The following LIMCH1 variants were observed in gnomAD, a reference collection of about 807,000 sequenced individuals.
LIMCH1 encodes LIM and calponin homology domains-containing protein 1.
In LIMCH1, 113 loss-of-function variants were observed where a neutral mutation model predicts 176.5. The observed-to-expected ratio is 0.64, with a 90% CI of 0.55 to 0.75. LIMCH1 has a LOEUF of 0.75. LIMCH1 is among the 30% of genes least tolerant of loss of function. The pLI is 0.00. For synonymous variants in LIMCH1, 619 were observed against 645.9 expected, an observed-to-expected ratio of 0.96 and a Z score of 0.63; for missense variants, 1,674 against 1,814.9, an observed-to-expected ratio of 0.92 and a Z score of 1.41.
chr4:41,609,791 T>G, intron 4 of LIMCH1: 1 of 375,134 alleles, frequency 2.7e-6, no homozygotes, highest in Non-Finnish European at 5.3e-6. Context: ...CAATGTTAAT[T>G]AGAGCCCAAG....
In LIMCH1 at chr4:41,600,465, T is replaced by G. The variant is rs570252779; in HGVS notation, c.-134+1439T>G. On this transcript the variant is annotated intron_variant, in intron 2 of 31. Coordinates refer to ENST00000503057, the MANE Select transcript of LIMCH1 (RefSeq NM_001330672.2). ...CATTGCTTGGAGGGTGAAGGAAAGG[T>G]CACTTTGAAAGTGTCTGCAGCTGCA... Among the ~76,000 whole-genome samples, 4 of 152,286 alleles carry G rather than the reference T, an allele frequency of 2.6e-5. No individual in the cohort carries two copies. In the South Asian group the frequency reaches 8.3e-4, roughly 32 times the overall value.
At chr4:41,518,347 G>T (rs1162415393) in intron 2 of LIMCH1, among the ~76,000 whole-genome samples, 3 of 152,186 alleles carry the variant, frequency 2.0e-5, no homozygotes, top group African/African-American at 7.2e-5. Flanking sequence ...GTCTGAAACA[G>T]AACCTCTCTC....
chr4:41,699,901 T>C lies in LIMCH1; in HGVS notation c.*2716T>C, dbSNP rs1732432467. The C allele has an allele frequency of 6.6e-6, 1 of 152,338 alleles. No individual in the cohort carries two copies. The highest frequency in any genetic ancestry group is 1.5e-5 in the Non-Finnish European group (1 of 68,020). The allele number at this position is 152,338 out of a possible 1,614,324, so 9.4% of individuals were successfully genotyped here. A position where few individuals can be genotyped will look rare whatever the true frequency, so the allele number is the denominator to read the frequency against. On this transcript the variant is annotated 3_prime_UTR_variant, in exon 32 of 32. Coordinates refer to ENST00000503057, the MANE Select transcript of LIMCH1 (RefSeq NM_001330672.2). ...GTTACTGCTCTGGGTGGGCCAGTGT[T>C]CTATATCGGTTATACTAACTTTCAT...
At chr4:41,395,428 A>C (rs2057703291) in intron 1 of LIMCH1, among the ~76,000 whole-genome samples, 1 of 142,092 alleles carries the variant, frequency 7.0e-6, no homozygotes, top group African/African-American at 2.6e-5. Context: ...TTTTTAGTAG[A>C]GGTGGGGTTT....
In LIMCH1 at chr4:41,402,007, A is replaced by T. The variant is rs182118771; in HGVS notation, c.96+41071A>T. 9.3e-4 allele frequency among the ~76,000 whole-genome samples: 141 copies of T among 152,260 alleles called. 1 individual carries two copies. Among genetic ancestry groups the T allele is most frequent in the Middle Eastern group, 3.4e-3 (1 of 294 alleles). On this transcript the variant is annotated intron_variant, in intron 1 of 26. Coordinates refer to the LIMCH1 transcript ENST00000313860. ...GGACAATTTGACTTCCTGTTTTCCT[A>T]ATTGAATACCCTTTATTTCCTTCCC...
upstream of LIMCH1, among the ~76,000 whole-genome samples, chr4:41,533,929 G>A (rs1291513151): frequency 2.0e-5 from 3 of 152,206 alleles, no homozygotes; most frequent in Non-Finnish European, 4.4e-5. Flanking sequence ...TCCAGTGGCT[G>A]CAGCTGGACG....
chr4:41,405,420 A>G (rs1581644435), intron 1 of LIMCH1, among the ~76,000 whole-genome samples: 2 of 152,160 alleles, frequency 1.3e-5, no homozygotes, highest in African/African-American at 4.8e-5. Context: ...CTTTTAGACA[A>G]TGAAACATAG....
At chr4:41,457,091 A>T (rs1373985352) in intron 1 of LIMCH1, among the ~76,000 whole-genome samples, 1 of 152,190 alleles carries the variant, frequency 6.6e-6, no homozygotes, top group Non-Finnish European at 1.5e-5. Flanking sequence ...CTTTGGTTAG[A>T]TACAGAGAAA....
At chr4:41,480,178 C>T (rs1466791401) in intron 1 of LIMCH1, among the ~76,000 whole-genome samples, 1 of 152,206 alleles carries the variant, frequency 6.6e-6, no homozygotes, top group East Asian at 1.9e-4. Flanking sequence ...TTAAAGGAAG[C>T]AGGCTCAGAG....
chr4:41,441,766 T>G (rs1475738602), intron 1 of LIMCH1, among the ~76,000 whole-genome samples: 1 of 152,218 alleles, frequency 6.6e-6, no homozygotes, highest in African/African-American at 2.4e-5. Context: ...TTGAAAGTCT[T>G]TTTAAGAAGT....
intron 23 of LIMCH1, among the ~76,000 whole-genome samples, chr4:41,679,366 TC>T (rs948355733): frequency 4.6e-5 from 7 of 152,100 alleles, no homozygotes; most frequent in African/African-American, 1.7e-4. Flanking sequence ...TGTTCTTTTT[TC>T]CCCCCAGAAA....
At chr4:41,419,486 T>C (rs921327182) in intron 1 of LIMCH1, among the ~76,000 whole-genome samples, 2 of 152,128 alleles carry the variant, frequency 1.3e-5, no homozygotes, top group Non-Finnish European at 2.9e-5. Flanking sequence ...GTCATTAAGT[T>C]TTTTTTAATG....
intron 1 of LIMCH1, among the ~76,000 whole-genome samples, chr4:41,441,359 G>T (rs527411052): frequency 5.3e-4 from 80 of 152,110 alleles, no homozygotes; most frequent in Middle Eastern, 6.8e-3. Flanking sequence ...TAGTTCCCTT[G>T]GCCAATCCTC....
chr4:41,422,598 A>G (rs1304722087), intron 1 of LIMCH1, among the ~76,000 whole-genome samples: 1 of 152,156 alleles, frequency 6.6e-6, no homozygotes, highest in African/African-American at 2.4e-5. Context: ...ATTACTTGAT[A>G]CCTTTTTCCT....
intron 2 of LIMCH1, among the ~76,000 whole-genome samples, chr4:41,512,815 A>G (rs1326318689): frequency 5.3e-5 from 8 of 152,192 alleles, no homozygotes; most frequent in African/African-American, 9.6e-5. Context: ...AGGGAAACTA[A>G]AATTAGTTTG....
At chr4:41,679,169 A>G (rs1713595724) in intron 23 of LIMCH1, among the ~76,000 whole-genome samples, 1 of 152,212 alleles carries the variant, frequency 6.6e-6, no homozygotes, top group Non-Finnish European at 1.5e-5. Flanking sequence ...GTCAGCCTAA[A>G]ATATCTGAGT....
At chr4:41,671,508 A>G in intron 21 of LIMCH1, 46 bp from the exon 22 acceptor site, 1 of 1,519,646 alleles carries the variant, frequency 6.6e-7, no homozygotes, top group Non-Finnish European at 9.1e-7. Flanking sequence ...CAATTAGAAA[A>G]TACTCACATT....
At chr4:41,603,736 T>G (rs577771588) in intron 2 of LIMCH1, 139 bp from the exon 3 acceptor site, 3 of 577,636 alleles carry the variant, frequency 5.2e-6, no homozygotes, top group Non-Finnish European at 9.1e-6. Flanking sequence ...ATCACAAAAC[T>G]TAAGCCTTAA....
chr4:41,425,412 T>C (rs1273904169), intron 1 of LIMCH1, among the ~76,000 whole-genome samples: 1 of 152,204 alleles, frequency 6.6e-6, no homozygotes, highest in Non-Finnish European at 1.5e-5. Flanking sequence ...AGTGGCATGA[T>C]CTCTGCCCAC....
Sources: allele counts gnomAD v4.1 joint callset (sites outside exome capture counted in the v4.1 genomes callset), GRCh38; gene constraint gnomAD v4.1.1; transcripts MANE v1.5; gene names NCBI Gene and HGNC (gene_info 2026-07-23, HGNC 2026-07-21).